MGMT: variants seen among roughly 807,000 people sequenced by gnomAD.
The protein encoded by MGMT is O-6-methylguanine-DNA methyltransferase, also known as methylated-DNA--protein-cysteine methyltransferase.
MGMT carries 14 observed loss-of-function variants against 15.9 expected under a neutral mutation model. The ratio of observed to expected loss-of-function variants is 0.88; its 90% CI spans 0.58 to 1.37. MGMT has a LOEUF of 1.37. Among genes scored for constraint, MGMT ranks in the 40% most tolerant of loss-of-function variants. The pLI is 0.00. For missense variants in MGMT, 282 were observed against 268.1 expected (o/e 1.05, Z -0.36); for synonymous variants, 130 against 118.2 (o/e 1.10, Z -0.65).
intron 2 of MGMT, among the ~76,000 whole-genome samples, chr10:129,699,174 G>T (rs535667171): frequency 1.3e-5 from 2 of 152,224 alleles, no homozygotes; most frequent in Admixed American, 1.3e-4. Context: ...ACATTTGGAG[G>T]GGGGAGGTAA....
intron 2 of MGMT, among the ~76,000 whole-genome samples, chr10:129,687,781 T>A (rs966453378): frequency 1.3e-5 from 2 of 152,052 alleles, no homozygotes; most frequent in African/African-American, 4.8e-5. Context: ...ATGTGCCATG[T>A]TGGTGTGCTG....
intron 2 of MGMT, among the ~76,000 whole-genome samples, chr10:129,550,025 T>G (rs1846138201): frequency 6.6e-6 from 1 of 152,136 alleles, no homozygotes; most frequent in Admixed American, 6.5e-5. Context: ...ATCACAAAGT[T>G]TTAGCTAAGG....
chr10:129,555,426 A>G (rs1386332510), intron 2 of MGMT, among the ~76,000 whole-genome samples: 5 of 152,304 alleles, frequency 3.3e-5, no homozygotes, highest in Middle Eastern at 3.4e-3. Flanking sequence ...GTAAAGATCC[A>G]TAGGCCGGGC....
chr10:129,700,431 C>G (rs1848085024), intron 2 of MGMT: 1 of 152,202 alleles, frequency 6.6e-6, no homozygotes. Context: ...CAGTCACTGC[C>G]ATGTTCCTTC....
intron 1 of MGMT, among the ~76,000 whole-genome samples, chr10:129,529,093 CTG>C (rs1442533128): frequency 1.3e-5 from 2 of 151,784 alleles, no homozygotes; most frequent in African/African-American, 2.4e-5. Flanking sequence ...ACAGTGGCCA[CTG>C]TGCAGGCTGG....
chr10:129,626,862 A>G (rs998837636), intron 2 of MGMT, among the ~76,000 whole-genome samples: 2 of 152,228 alleles, frequency 1.3e-5, no homozygotes, highest in Non-Finnish European at 1.5e-5. Flanking sequence ...TAAACTGACT[A>G]TGGAGCTGGT....
chr10:129,540,344 T>C lies in MGMT; in HGVS notation c.125+3967T>C, dbSNP rs185496205. On this transcript the variant is annotated intron_variant, in intron 2 of 4. Transcript: ENST00000651593. ...CTATGAATAAAGACAATAGGCTTCT[T>C]CCTTTCTGATTGTTATGCTTTAATT... Among the ~76,000 whole-genome samples the C allele has an allele frequency of 1.6e-3, 242 of 152,314 alleles. 1 individual carries two copies. Among genetic ancestry groups the C allele is most frequent in the African/African-American group, 5.5e-3 (228 of 41,570 alleles).
chr10:129,721,010 G>A (rs748190), intron 3 of MGMT, among the ~76,000 whole-genome samples: 93,894 of 152,010 alleles, frequency 0.62, 29,441 homozygotes, highest in Middle Eastern at 0.74. Context: ...GGATGAGAAG[G>A]GTAGCGGTTT....
intron 3 of MGMT, among the ~76,000 whole-genome samples, chr10:129,711,665 A>C (rs1385190089): frequency 6.6e-6 from 1 of 152,216 alleles, no homozygotes; most frequent in Non-Finnish European, 1.5e-5. Context: ...TTGGTTTGCT[A>C]TTCTGGTTTT....
At position 129,710,584 on chromosome 10, in the gene MGMT, G is replaced by A. The variant is rs371487329; in HGVS notation, c.274+2541G>A. Among the ~76,000 whole-genome samples, 20 of 152,342 alleles carry A rather than the reference G, an allele frequency of 1.3e-4. No homozygotes were observed. In the South Asian group the frequency reaches 1.7e-3, roughly 13 times the overall value. Reference sequence around the variant, plus strand: ...GTATGGATTTTACTGTTTGAAGAAGGGGAGGTGGATGGTGGATGGTTGCTA... The same window carrying A: ...GTATGGATTTTACTGTTTGAAGAAGAGGAGGTGGATGGTGGATGGTTGCTA... On this transcript the variant is annotated intron_variant, in intron 3 of 4. Transcript: ENST00000651593.
intron 2 of MGMT, among the ~76,000 whole-genome samples, chr10:129,617,283 G>C (rs904691712): frequency 6.6e-6 from 1 of 152,148 alleles, no homozygotes; most frequent in African/African-American, 2.4e-5. Flanking sequence ...TGGCTGCATA[G>C]TATTCTGTGG....
rs1212860582 is a variant in MGMT at position 129,767,819 on chromosome 10, C to T, written c.*822C>T. 1 of 152,194 alleles carries T rather than the reference C, an allele frequency of 6.6e-6. No homozygotes were observed. Among genetic ancestry groups the T allele is most frequent in the Non-Finnish European group, 1.5e-5 (1 of 68,060 alleles). 9.4% of individuals were successfully genotyped at this position (152,194 alleles called of 1,614,324 possible). ...CATGGGCCTGTTAGGACCCCAGCAC[C>T]CCAGTGTCGATCCTGGAAGTCAAAG... On this transcript the variant is annotated 3_prime_UTR_variant, in exon 5 of 5. Coordinates refer to ENST00000651593, the MANE Select transcript of MGMT (RefSeq NM_002412.5).
At chr10:129,679,394 T>C (rs1358775129) in intron 2 of MGMT, among the ~76,000 whole-genome samples, 1 of 151,870 alleles carries the variant, frequency 6.6e-6, no homozygotes, top group African/African-American at 2.4e-5. Flanking sequence ...GAGGTCTGAG[T>C]CCCGGTGTTT....
chr10:129,682,715 C>T (rs1847866419), intron 2 of MGMT, among the ~76,000 whole-genome samples: 1 of 152,126 alleles, frequency 6.6e-6, no homozygotes, highest in South Asian at 2.1e-4. Flanking sequence ...ATGCCAGCTT[C>T]CTGGTTTTGG....
chr10:129,485,718 C>T (rs1845401416), intron 1 of MGMT, among the ~76,000 whole-genome samples: 1 of 152,236 alleles, frequency 6.6e-6, no homozygotes, highest in African/African-American at 2.4e-5. Context: ...TCATCCTGGA[C>T]TTTATTTCGT....
At chr10:129,673,124 T>G (rs1253222198) in intron 2 of MGMT, among the ~76,000 whole-genome samples, 1 of 152,178 alleles carries the variant, frequency 6.6e-6, no homozygotes, top group Non-Finnish European at 1.5e-5. Flanking sequence ...AGACACTGTC[T>G]GTTGCCCCAG....
At chr10:129,531,766 T>C (rs1321690562) in intron 1 of MGMT, among the ~76,000 whole-genome samples, 2 of 7,428 alleles carry the variant, frequency 2.7e-4, no homozygotes, top group Non-Finnish European at 5.1e-4. Flanking sequence ...GGCTTGCTCT[T>C]AGCGGGGGCT....
At chr10:129,707,395 C>T (rs1048477238) in intron 2 of MGMT, among the ~76,000 whole-genome samples, 1 of 151,698 alleles carries the variant, frequency 6.6e-6, no homozygotes, top group Non-Finnish European at 1.5e-5. Flanking sequence ...ACAGAGTAGG[C>T]CCTCTGGAGC....
chr10:129,672,380 A>G (rs897103480), intron 2 of MGMT, among the ~76,000 whole-genome samples: 5 of 152,194 alleles, frequency 3.3e-5, no homozygotes, highest in East Asian at 1.9e-4. Context: ...CTATAGCTCA[A>G]TGTCTTTCAA....
Sources: gnomAD v4.1 joint callset for allele counts (sites outside exome capture counted in the v4.1 genomes callset) on GRCh38, gnomAD v4.1.1 for gene constraint, MANE v1.5 for transcripts, NCBI Gene and HGNC (gene_info 2026-07-23, HGNC 2026-07-21) for gene names.